The following CHD8 variants were observed in gnomAD, a reference collection of about 807,000 sequenced individuals.
CHD8 encodes the protein chromodomain helicase DNA binding protein 8, also known as ATP-dependent chromatin remodeler CHD8.
Under a neutral mutation model 279.2 loss-of-function variants are expected in CHD8, and 31 were observed. The ratio of observed to expected loss-of-function variants is 0.11; its 90% confidence interval spans 0.08 to 0.15. The LOEUF is 0.15. CHD8 is among the 10% of genes least tolerant of loss of function. The pLI is 1.00. For synonymous variants in CHD8, 1,081 were observed against 1,139.6 expected (o/e 0.95, Z 1.04); for missense variants, 2,146 against 3,230.5 (o/e 0.66, Z 8.14).
chr14:21,401,338 C>T lies in CHD8; in HGVS notation c.4173+65G>A, dbSNP rs148945209. On this transcript the variant is annotated intron_variant, in intron 21 of 37. Transcript: ENST00000646647. ...AATTAGCATCAAATAATCAGAGTAG[C>T]TGTAAAGACTCCCGAAAGTAGTGTG... 69 of 936,018 alleles carry T rather than the reference C, an allele frequency of 7.4e-5. No homozygotes were observed. In the African/African-American group the frequency reaches 1.1e-3, roughly 15 times the overall value. The allele number at this position is 936,018 out of a possible 1,614,324, so 58.0% of individuals were successfully genotyped here.
At position 21,444,161 on chromosome 14, in the gene CHD8, T is replaced by G. The variant is rs899740091; in HGVS notation, c.-216+11871A>C. ...CCTCTACATAAAGGGGATAGCAGTA[T>G]TAAGTTACAGGAACATTTATGAGGA... On this transcript the variant is annotated intron_variant, in intron 1 of 37. Transcript: ENST00000646647. Among the ~76,000 whole-genome samples, 5 of 152,352 alleles carry G rather than the reference T, an allele frequency of 3.3e-5. No individual in the cohort carries two copies. In the East Asian group the frequency reaches 9.6e-4, roughly 29 times the overall value.
intron 1 of CHD8, among the ~76,000 whole-genome samples, chr14:21,441,847 C>T (rs906376767): frequency 1.0e-3 from 158 of 152,136 alleles, no homozygotes; most frequent in Non-Finnish European, 3.1e-4. Context: ...CAAGATTGCG[C>T]CACTGCACTC....
intron 11 of CHD8, 49 bp downstream of exon 11, chr14:21,409,802 T>G: frequency 1.3e-6 from 2 of 1,524,160 alleles, no homozygotes; most frequent in Non-Finnish European, 1.8e-6. Flanking sequence ...GGGAAAAAAT[T>G]TAATCATTTC....
chr14:21,427,950 G>A lies in CHD8; in HGVS notation c.1520C>T (p.Ala507Val). 1 of 1,614,034 alleles carries A rather than the reference G, an allele frequency of 6.2e-7. No individual in the cohort carries two copies. The highest frequency in any genetic ancestry group is 8.5e-7 in the Non-Finnish European group (1 of 1,179,900). Residue 507 changes from alanine to valine, a missense_variant, in exon 4 of 38, where the codon GCT (alanine) becomes GTT (valine). This residue lies in a region of CHD8 where 123 missense variants were observed against 169.2 expected (regional missense o/e 0.73). Coordinates refer to ENST00000646647, the MANE Select transcript of CHD8 (RefSeq NM_001170629.2). ...EGEKKRRKKS[A>V]GERLKEEKPK... ...CTTCTCCTCTTTCAGCCTCTCCCCA[G>A]CACTCTTCTTCCTGCGTTTCTTCTC...
intron 5 of CHD8, chr14:21,416,494 A>C (rs561468318): frequency 1.3e-5 from 2 of 152,442 alleles, no homozygotes; most frequent in East Asian, 3.9e-4. Context: ...GGCTTGGTAC[A>C]GTGGCTTATG....
chr14:21,441,624 C>T (rs547948170), intron 1 of CHD8, among the ~76,000 whole-genome samples: 7 of 152,216 alleles, frequency 4.6e-5, no homozygotes, highest in South Asian at 2.1e-4. Context: ...CGTGGTGGCT[C>T]ATGCCTGTAA....
At chr14:21,437,142 A>C in intron 1 of CHD8, 1 of 1,041,420 alleles carries the variant, frequency 9.6e-7, no homozygotes, top group African/African-American at 1.6e-5. Flanking sequence ...ACAAGCCCTG[A>C]AGGAGAAAAC....
chr14:21,431,001 C>T lies in CHD8; in HGVS notation c.643G>A (p.Val215Ile), dbSNP rs749782045. 1 of 1,599,540 alleles carries T rather than the reference C, an allele frequency of 6.3e-7. No individual in the cohort carries two copies. Among genetic ancestry groups the T allele is most frequent in the South Asian group, 1.1e-5 (1 of 91,070 alleles). The change falls in exon 2 of 38, where the codon GTT becomes ATT. Residue 215 changes from valine (V) to isoleucine (I), a missense_variant. Physicochemically the swap from Val to Ile is conservative, Grantham distance 29. Coordinates refer to ENST00000646647, the MANE Select transcript of CHD8 (RefSeq NM_001170629.2). ...ACTGTATTACCAGAGACAATGGAAA[C>T]ACCTGGTCGAAGGGGTGTGCCGGTT... is the stretch of plus-strand genomic sequence containing the variant. ...VLTGTPLRPG[V>I]SIVSGNTVLA...
At chr14:21,421,250 C>T (rs569722782) in intron 5 of CHD8, among the ~76,000 whole-genome samples, 2 of 152,124 alleles carry the variant, frequency 1.3e-5, no homozygotes, top group South Asian at 4.1e-4. Flanking sequence ...GATGCATATA[C>T]ATATATATAC....
At chr14:21,404,264 T>C (rs757566566) in intron 16 of CHD8, among the ~76,000 whole-genome samples, 101 of 151,558 alleles carry the variant, frequency 6.7e-4, no homozygotes, top group Non-Finnish European at 1.3e-3. Flanking sequence ...CTGGGTGTGG[T>C]AGCAGGCGCC....
In CHD8 at chr14:21,408,904, A is replaced by C. The variant is rs1888363841; in HGVS notation, c.2365-79T>G. On this transcript the variant is annotated intron_variant, in intron 11 of 37. Coordinates refer to ENST00000646647, the MANE Select transcript of CHD8 (RefSeq NM_001170629.2). This position sits in a 1 kb window ranked among gnomAD's most constrained non-coding sequence, Gnocchi z 4.3. ...ACTTACTAGGTAAGTTCTAATAGTT[A>C]AAATCAATTCAAAACAACATTGTTT... is the stretch of plus-strand genomic sequence containing the variant. 7.2e-7 allele frequency: 1 copy of C among 1,383,568 alleles called. No individual in the cohort carries two copies. Among genetic ancestry groups the C allele is most frequent in the Non-Finnish European group, 9.9e-7 (1 of 1,015,218 alleles). 85.7% of individuals were successfully genotyped at this position (1,383,568 alleles called of 1,614,324 possible).
chr14:21,448,074 C>T (rs958810194), intron 1 of CHD8, among the ~76,000 whole-genome samples: 2 of 152,176 alleles, frequency 1.3e-5, no homozygotes, highest in African/African-American at 4.8e-5. Flanking sequence ...GAGCCAAGTA[C>T]ACATAAATGT....
rs752641678 is a variant in CHD8 at position 21,386,003 on chromosome 14, A to G, written c.7356T>C (p.Ser2452=). The change falls in exon 38 of 38, where the codon AGT becomes AGC. Residue 2452 remains serine, a synonymous_variant. Transcript: ENST00000646647. The part of the protein sequence containing the change: ...SLHNTFQHSS[S]GLQSVSSLGH... ...CCAAAGATGACACAGACTGTAGGCC[A>G]CTACTGCTGTGTTGGAACGTGTTAT... 3 of 1,589,980 alleles carry G rather than the reference A, an allele frequency of 1.9e-6. No individual in the cohort carries two copies. In the South Asian group the frequency reaches 3.5e-5, roughly 18 times the overall value.
intron 5 of CHD8, among the ~76,000 whole-genome samples, chr14:21,420,570 A>G (rs755097699): frequency 1.6e-4 from 24 of 152,240 alleles, no homozygotes; most frequent in Non-Finnish European, 1.2e-4. Context: ...GAGAATGGGT[A>G]TATCTATCTT....
In CHD8 at chr14:21,391,555, A is replaced by G. The variant is rs767759356; in HGVS notation, c.6973T>C (p.Leu2325=). ...IPVINKVDGT[L]LVGEDAPRRA... is the part of the protein sequence containing the mutation. ...CGAGGGGCATCCTCACCCACCAGCA[A>G]AGTACCATCCACCTTATTGATGACA... The change falls in exon 36 of 38, where the codon TTG becomes CTG. Residue 2325 remains leucine (L), a synonymous_variant. Coordinates refer to ENST00000646647, the MANE Select transcript of CHD8 (RefSeq NM_001170629.2). The G allele has an allele frequency of 1.9e-6, 3 of 1,613,848 alleles. No individual in the cohort carries two copies. Among genetic ancestry groups the G allele is most frequent in the Non-Finnish European group, 2.5e-6 (3 of 1,179,834 alleles).
At chr14:21,438,106 G>A (rs928349492) in intron 1 of CHD8, among the ~76,000 whole-genome samples, 1 of 152,086 alleles carries the variant, frequency 6.6e-6, no homozygotes, top group African/African-American at 2.4e-5. Context: ...TGTCGCCCAG[G>A]CTGGAGTGTA....
In CHD8 at chr14:21,431,871, T is replaced by C. The variant is rs1889578761; in HGVS notation, c.-215-13A>G. 2 of 1,580,894 alleles carry C rather than the reference T, an allele frequency of 1.3e-6. No homozygotes were observed. The highest frequency in any genetic ancestry group is 2.2e-5 in the East Asian group (1 of 44,700). On this transcript the variant is annotated splice_polypyrimidine_tract_variant and intron_variant, in intron 1 of 37. Transcript: ENST00000646647. ...GATGGTGGAACTCCTGTTGTAGGAA[T>C]ACAAATACAAATGAAAAATAGGCAA...
intron 1 of CHD8, among the ~76,000 whole-genome samples, chr14:21,432,277 T>G (rs1889596020): frequency 6.6e-6 from 1 of 152,220 alleles, no homozygotes; most frequent in Non-Finnish European, 1.5e-5. Flanking sequence ...ATATATTCTA[T>G]TGTATAAATT....
intron 30 of CHD8, 40 bp downstream of exon 30, chr14:21,394,872 T>C (rs1247052381): frequency 3.8e-6 from 6 of 1,598,732 alleles, no homozygotes; most frequent in Non-Finnish European, 5.1e-6. Context: ...GGACCATAAC[T>C]GAAAACACAG....
Sources: gnomAD v4.1 joint callset for allele counts (sites outside exome capture counted in the v4.1 genomes callset) on GRCh38, gnomAD v4.1.1 for gene constraint, gnomAD v4.1.1 regional missense constraint, Gnocchi (gnomAD v3.1) non-coding constraint, MANE v1.5 for transcripts, NCBI Gene and HGNC (gene_info 2026-07-23, HGNC 2026-07-21) for gene names.